CLVS1: variants seen among roughly 807,000 people sequenced by gnomAD.
The protein encoded by CLVS1 is clavesin-1.
In CLVS1, 10 loss-of-function variants were observed where a neutral mutation model predicts 33.1. The observed-to-expected ratio is 0.30, with a 90% CI of 0.19 to 0.51. CLVS1 has a LOEUF of 0.51. Ranked by LOEUF, CLVS1 falls within the 20% of genes least tolerant of loss-of-function variation. The probability of loss-of-function intolerance (pLI) is 0.97; values close to 1 mark genes in which losing one functional copy is unlikely to be tolerated. For synonymous variants in CLVS1, 163 were observed against 166.1 expected, an observed-to-expected ratio of 0.98 and a Z score of 0.14; for missense variants, 343 against 433.4, an observed-to-expected ratio of 0.79 and a Z score of 1.85.
chr8:61,370,352 C>T (rs1813382506), intron 2 of CLVS1: 1 of 151,862 alleles, frequency 6.6e-6, no homozygotes, highest in Admixed American at 6.6e-5. Flanking sequence ...TCTCATTCCC[C>T]TCCTATCCTT....
At chr8:61,002,193 G>T in the CLVS1 span, among the ~76,000 whole-genome samples, 1 of 151,892 alleles carries the variant, frequency 6.6e-6, no homozygotes, top group South Asian at 2.1e-4. Flanking sequence ...TGTTGCTCAG[G>T]CTGGTCTTGA....
At chr8:61,326,100 A>C (rs1009138952) in intron 2 of CLVS1, among the ~76,000 whole-genome samples, 3 of 152,114 alleles carry the variant, frequency 2.0e-5, no homozygotes, top group Non-Finnish European at 4.4e-5. Context: ...TCCAGCTTTT[A>C]CTAATAGTCT....
chr8:61,468,358 A>G (rs1586017223), intron 5 of CLVS1, among the ~76,000 whole-genome samples: 2 of 152,334 alleles, frequency 1.3e-5, no homozygotes, highest in East Asian at 3.9e-4. Flanking sequence ...AGTGGTACTA[A>G]GATTTTAAAA....
chr8:61,129,958 C>T (rs532200456), intron 1 of CLVS1, among the ~76,000 whole-genome samples: 1 of 152,234 alleles, frequency 6.6e-6, no homozygotes, highest in South Asian at 2.1e-4. Context: ...AGAGTTAAGG[C>T]CAGGTGTGGT....
At chr8:61,479,138 A>G (rs1376786807) in intron 5 of CLVS1, among the ~76,000 whole-genome samples, 1 of 152,116 alleles carries the variant, frequency 6.6e-6, no homozygotes, top group African/African-American at 2.4e-5. Flanking sequence ...GCCTCGCTAT[A>G]TTGCAGAAGT....
intron 2 of CLVS1, among the ~76,000 whole-genome samples, chr8:61,356,161 C>G (rs1280006626): frequency 1.3e-5 from 2 of 151,796 alleles, no homozygotes; most frequent in Non-Finnish European, 2.9e-5. Flanking sequence ...TCTCTGATGG[C>G]CAGTGATGAT....
At chr8:61,286,453 T>C (rs1362797261), upstream of CLVS1, among the ~76,000 whole-genome samples, 1 of 152,222 alleles carries the variant, frequency 6.6e-6, no homozygotes, top group African/African-American at 2.4e-5. Flanking sequence ...TGCAACCATT[T>C]CTCAATTTTG....
chr8:61,433,006 T>C (rs910772733), intron 3 of CLVS1, among the ~76,000 whole-genome samples: 7 of 152,058 alleles, frequency 4.6e-5, no homozygotes, highest in Non-Finnish European at 4.4e-5. Context: ...CAGGCTGGAG[T>C]GCAGTGGCAC....
rs1298060662 is a variant in CLVS1, at chr8:61,074,421, GTA to G, written c.-243+17201_-243+17202del. ...ATGTTATATATATATAAGTATATGT[GTA>G]TATATATATGTTATATATATATAAG... On this transcript the variant is annotated intron_variant, in intron 1 of 2. Transcript: ENST00000522621. Among the ~76,000 whole-genome samples, 82 of 137,716 alleles carry G rather than the reference GTA, an allele frequency of 6.0e-4. 3 individuals are homozygous for G. The highest frequency in any genetic ancestry group is 5.0e-3 in the South Asian group (21 of 4,192). 90.3% of individuals were successfully genotyped at this position (137,716 alleles called of 152,430 possible). A position where few individuals can be genotyped will look rare whatever the true frequency, so the allele number is the denominator to read the frequency against.
intron 3 of CLVS1, among the ~76,000 whole-genome samples, chr8:61,451,812 C>CAGAGAGAG (rs71257362): frequency 0.011 from 1,638 of 142,912 alleles, 25 homozygotes; most frequent in African/African-American, 0.039. Flanking sequence ...CACACACACA[C>CAGAGAGAG]AGAGAGAGAG....
chr8:61,253,881 C>T (rs564217055), intron 2 of CLVS1, among the ~76,000 whole-genome samples: 27 of 152,240 alleles, frequency 1.8e-4, no homozygotes, highest in South Asian at 1.2e-3. Context: ...TTCTTTAGCT[C>T]GGAGTAGTTT....
intron 1 of CLVS1, among the ~76,000 whole-genome samples, chr8:61,097,481 C>G (rs16926851): frequency 2.6e-5 from 4 of 152,138 alleles, no homozygotes; most frequent in African/African-American, 7.2e-5. Context: ...CTGTTTCACT[C>G]GTGAGAGTTT....
At chr8:61,082,909 T>C (rs1805047572) in intron 1 of CLVS1, among the ~76,000 whole-genome samples, 1 of 152,052 alleles carries the variant, frequency 6.6e-6, no homozygotes, top group Non-Finnish European at 1.5e-5. Context: ...TGGTTGCACA[T>C]GCCTGTAGTC....
intron 1 of CLVS1, among the ~76,000 whole-genome samples, chr8:61,078,759 G>T (rs564167453): frequency 1.3e-5 from 2 of 152,242 alleles, no homozygotes; most frequent in East Asian, 3.9e-4. Context: ...TTTTGAGTTT[G>T]CCTATTAGCT....
chr8:61,486,835 G>T (rs146373245), intron 5 of CLVS1, among the ~76,000 whole-genome samples: 319 of 152,202 alleles, frequency 2.1e-3, no homozygotes, highest in African/African-American at 7.3e-3. Context: ...TGTGTTCATT[G>T]TCTCTATCAG....
At position 61,263,476 on chromosome 8, in the gene CLVS1, G is replaced by C. The variant is rs993837520; in HGVS notation, c.-151-36201G>C. On this transcript the variant is annotated intron_variant, in intron 2 of 2. Transcript: ENST00000522621. ...GCTCTCCTTCAGCAAGTGTTGGAAG[G>C]CTGCTCAGTTCCTGTCTAACTCCTT... Among the ~76,000 whole-genome samples, 8 of 152,262 alleles carry C rather than the reference G, an allele frequency of 5.3e-5. No individual in the cohort carries two copies. In the East Asian group the frequency reaches 1.4e-3, roughly 26 times the overall value.
chr8:61,458,447 T>G lies in CLVS1; in HGVS notation c.882T>G (p.Asp294Glu). The change falls in exon 5 of 6, where the codon GAT (aspartate) becomes GAG (glutamate). Residue 294 changes from aspartate (D) to glutamate (E), a missense_variant. By Grantham distance (45) the Asp-to-Glu change is conservative. This residue lies in a region of CLVS1 where 86 missense variants were observed against 95.0 expected (regional missense o/e 0.91). Coordinates refer to ENST00000325897, the MANE Select transcript of CLVS1 (RefSeq NM_173519.3). Reference protein sequence around the residue: ...ARTLLGPDYSDENDYTHTSYN... With the variant: ...ARTLLGPDYSEENDYTHTSYN... ...CGTTACTCGGTCCCGACTACAGCGA[T>G]GAAAATGACTATACTCACACATCCT... 1 of 1,614,044 alleles carries G rather than the reference T, an allele frequency of 6.2e-7. No homozygotes were observed. The highest frequency in any genetic ancestry group is 8.5e-7 in the Non-Finnish European group (1 of 1,179,992).
chr8:61,397,122 A>T (rs2129603327), intron 3 of CLVS1, among the ~76,000 whole-genome samples: 1 of 152,314 alleles, frequency 6.6e-6, no homozygotes, highest in Admixed American at 6.5e-5. Context: ...ACCATTTTCC[A>T]AAGTGACTGT....
chr8:61,167,010 A>G (rs1273169473), intron 2 of CLVS1, among the ~76,000 whole-genome samples: 1 of 151,024 alleles, frequency 6.6e-6, no homozygotes, highest in African/African-American at 2.4e-5. Context: ...TTAATCAATA[A>G]ATTTAAATAC....
Sources: gnomAD v4.1 joint callset for allele counts (sites outside exome capture counted in the v4.1 genomes callset) on GRCh38, gnomAD v4.1.1 for gene constraint, gnomAD v4.1.1 regional missense constraint, MANE v1.5 for transcripts, NCBI Gene and HGNC (gene_info 2026-07-23, HGNC 2026-07-21) for gene names.